The following COP1 variants were observed in gnomAD, a reference collection of about 807,000 sequenced individuals.
COP1 encodes E3 ubiquitin-protein ligase COP1.
COP1 carries 24 observed loss-of-function variants against 101.3 expected under a neutral mutation model. That is an observed-to-expected ratio of 0.24 (90% CI 0.17 to 0.33). The LOEUF is 0.33. Among genes scored for constraint, COP1 ranks in the 10% least tolerant of loss-of-function variants. The pLI is 1.00. For missense variants in COP1, 663 were observed against 906.2 expected, an observed-to-expected ratio of 0.73 and a Z score of 3.45; for synonymous variants, 347 against 341.9, an observed-to-expected ratio of 1.01 and a Z score of -0.17.
At chr1:176,036,273 C>A (rs551307885) in intron 14 of COP1, among the ~76,000 whole-genome samples, 1 of 151,378 alleles carries the variant, frequency 6.6e-6, no homozygotes, top group Admixed American at 6.6e-5. Context: ...GGAAATTAAA[C>A]CCAAAGCAAG....
In COP1 at chr1:176,207,121, GT is replaced by G. The variant is rs975480526; in HGVS notation, c.-144del. On this transcript the variant is annotated 5_prime_UTR_variant, in exon 1 of 20. Coordinates refer to ENST00000367669, the MANE Select transcript of COP1 (RefSeq NM_022457.7). Reference sequence around the variant, plus strand: ...TGGGGCTGAGGAACAATAAAGTTGCGTTTTTTTTTAAGGCAGCCACACAACA... The same window carrying G: ...TGGGGCTGAGGAACAATAAAGTTGCGTTTTTTTTAAGGCAGCCACACAACA... 5.6e-4 allele frequency: 330 copies of G among 586,772 alleles called. No homozygotes were observed. The highest frequency in any genetic ancestry group is 4.1e-3 in the African/African-American group (211 of 50,866). 36.3% of individuals were successfully genotyped at this position (586,772 alleles called of 1,614,324 possible).
chr1:176,015,231 T>C (rs1665415326), intron 15 of COP1, among the ~76,000 whole-genome samples: 1 of 152,298 alleles, frequency 6.6e-6, no homozygotes, highest in South Asian at 2.1e-4. Context: ...GATAAATTTA[T>C]CTGAAAGAAT....
At position 176,206,897 on chromosome 1, in the gene COP1, A is replaced by T. The variant is rs1217459226; in HGVS notation, c.82T>A (p.Ser28Thr). The change falls in exon 1 of 20, where the codon TCC becomes ACC. Residue 28 changes from serine to threonine, a missense_variant. Ser to Thr is a moderately conservative substitution (Grantham distance 58). This residue lies in a region of COP1 where 204 missense variants were observed against 203.6 expected (regional missense o/e 1.00). Coordinates refer to ENST00000367669, the MANE Select transcript of COP1 (RefSeq NM_022457.7). ...SSAASSVTSA[S>T]SSLSSSPSPP... is the part of the protein sequence containing the mutation. ...GACGGGGAAGAGGATAAAGACGAGG[A>T]GGCGGAAGTCACCGAGGAGGCCGCC... The T allele has an allele frequency of 6.8e-7, 1 of 1,466,078 alleles. No homozygotes were observed. Among genetic ancestry groups the T allele is most frequent in the Non-Finnish European group, 9.0e-7 (1 of 1,114,570 alleles). 90.8% of individuals were successfully genotyped at this position (1,466,078 alleles called of 1,614,324 possible).
chr1:176,162,957 C>G lies in COP1; in HGVS notation c.674G>C (p.Trp225Ser). 6.2e-7 allele frequency: 1 copy of G among 1,607,076 alleles called. No individual in the cohort carries two copies. The highest frequency in any genetic ancestry group is 1.1e-5 in the South Asian group (1 of 89,098). Residue 225 changes from tryptophan to serine, a missense_variant, in exon 5 of 20, where the codon TGG (tryptophan) becomes TCG (serine). Trp to Ser is a radical substitution (Grantham distance 177). Around this residue, in one of 4 missense-constraint regions of COP1, gnomAD observed 212 missense variants for 240.7 expected, o/e 0.88. Coordinates refer to ENST00000367669, the MANE Select transcript of COP1 (RefSeq NM_022457.7). The part of the protein sequence containing the change: ...NGHRWQIFQD[W>S]LGTDQDNLDL... Reference sequence around the variant, plus strand: ...AAGGTTATCTTGGTCAGTTCCCAACCAATCTTGAAATATCTGCCACCTGTG... The same window carrying G: ...AAGGTTATCTTGGTCAGTTCCCAACGAATCTTGAAATATCTGCCACCTGTG...
At chr1:176,105,237 G>C (rs1439575716) in intron 9 of COP1, among the ~76,000 whole-genome samples, 2 of 152,010 alleles carry the variant, frequency 1.3e-5, no homozygotes, top group East Asian at 3.8e-4. Context: ...CTGATTTTTA[G>C]AATCAGGGTA....
chr1:176,049,476 T>C (rs1672159035), intron 11 of COP1, among the ~76,000 whole-genome samples: 1 of 152,026 alleles, frequency 6.6e-6, no homozygotes, highest in African/African-American at 2.4e-5. Flanking sequence ...TTTTATACTG[T>C]AAAAATAGAT....
At chr1:176,086,412 G>A (rs1393246909) in intron 9 of COP1, among the ~76,000 whole-genome samples, 1 of 151,778 alleles carries the variant, frequency 6.6e-6, no homozygotes, top group East Asian at 1.9e-4. Context: ...ATTTTTAGTA[G>A]AGACAGGGTT....
intron 17 of COP1, 21 bp from the exon 18 acceptor site, chr1:175,987,124 T>A (rs532918309): frequency 8.0e-7 from 1 of 1,257,132 alleles, no homozygotes; most frequent in African/African-American, 1.5e-5. Flanking sequence ...ATAATAATAA[T>A]AGTATTTTAG....
chr1:175,976,131 A>G (rs1372779221), intron 18 of COP1, among the ~76,000 whole-genome samples: 1 of 152,162 alleles, frequency 6.6e-6, no homozygotes, highest in Non-Finnish European at 1.5e-5. Flanking sequence ...ATTGGTAATA[A>G]ACAGGGACTC....
At chr1:175,945,199 A>C (rs750566068) in intron 19 of COP1, 29 bp from the exon 20 acceptor site, 1 of 1,500,730 alleles carries the variant, frequency 6.7e-7, no homozygotes, top group Non-Finnish European at 9.2e-7. Context: ...GGATCCATTT[A>C]ATAAAATCAT....
chr1:175,985,275 TTC>T (rs1371521352), intron 18 of COP1, among the ~76,000 whole-genome samples: 2 of 152,244 alleles, frequency 1.3e-5, no homozygotes, highest in Non-Finnish European at 2.9e-5. Context: ...GCTGGTTTAA[TTC>T]ATGCTGTCTT....
At chr1:176,040,751 T>C (rs79522613) in intron 14 of COP1, among the ~76,000 whole-genome samples, 183 of 152,362 alleles carry the variant, frequency 1.2e-3, no homozygotes, top group African/African-American at 4.2e-3. Context: ...CTGTGCTCCA[T>C]TATTTCATTT....
chr1:176,020,076 A>C (rs1280867787), intron 15 of COP1, among the ~76,000 whole-genome samples: 1 of 151,814 alleles, frequency 6.6e-6, no homozygotes, highest in African/African-American at 2.4e-5. Context: ...CTATAATCCC[A>C]GCACTTTGGG....
chr1:176,136,455 T>C (rs1356581043), intron 7 of COP1, 33 bp downstream of exon 7: 2 of 1,441,864 alleles, frequency 1.4e-6, no homozygotes, highest in Admixed American at 3.7e-5. Flanking sequence ...ATTGAAAAAT[T>C]GCTAAGGATG....
intron 15 of COP1, among the ~76,000 whole-genome samples, chr1:176,006,597 T>C (rs1041798629): frequency 7.9e-5 from 12 of 152,224 alleles, no homozygotes; most frequent in Non-Finnish European, 1.6e-4. Flanking sequence ...TTATTTCTCC[T>C]TTGCTTACGA....
At chr1:176,140,737 A>C (rs1690549165) in intron 6 of COP1, among the ~76,000 whole-genome samples, 1 of 152,224 alleles carries the variant, frequency 6.6e-6, no homozygotes, top group Non-Finnish European at 1.5e-5. Flanking sequence ...ATCTAAAGGA[A>C]AATCAATCAC....
intron 1 of COP1, among the ~76,000 whole-genome samples, chr1:176,188,308 CCCCTT>C (rs1425604261): frequency 1.1e-4 from 16 of 152,050 alleles, no homozygotes; most frequent in Admixed American, 6.5e-5. Context: ...GCCAATTACT[CCCCTT>C]CCCAAGAAAG....
intron 18 of COP1, among the ~76,000 whole-genome samples, chr1:175,969,467 C>T (rs1002298884): frequency 2.0e-5 from 3 of 152,182 alleles, no homozygotes; most frequent in African/African-American, 7.2e-5. Flanking sequence ...GCCCTTATCT[C>T]TGGAGACAGA....
At chr1:175,947,535 A>T (rs961803839) in intron 18 of COP1, among the ~76,000 whole-genome samples, 1 of 151,902 alleles carries the variant, frequency 6.6e-6, no homozygotes, top group Non-Finnish European at 1.5e-5. Context: ...CAGCCCAGGT[A>T]ATTTTTGTAT....
Sources: gnomAD v4.1 joint callset for allele counts (sites outside exome capture counted in the v4.1 genomes callset) on GRCh38, gnomAD v4.1.1 for gene constraint, gnomAD v4.1.1 regional missense constraint, MANE v1.5 for transcripts, NCBI Gene and HGNC (gene_info 2026-07-23, HGNC 2026-07-21) for gene names.